The following OPCML variants were observed in gnomAD, a reference collection of about 807,000 sequenced individuals.
OPCML encodes opioid-binding protein/cell adhesion molecule.
Under a neutral mutation model 37.8 loss-of-function variants are expected in OPCML, and 13 were observed. That is an observed-to-expected ratio of 0.34 (90% CI 0.22 to 0.55). The LOEUF (loss-of-function observed/expected upper bound fraction) is 0.55, where lower values mean the gene tolerates loss of function less well. Ranked by LOEUF, OPCML falls within the 20% of genes least tolerant of loss-of-function variation. The probability of loss-of-function intolerance (pLI) is 0.91; values close to 1 mark genes in which losing one functional copy is unlikely to be tolerated. For missense variants in OPCML, 341 were observed against 435.6 expected, an observed-to-expected ratio of 0.78 and a Z score of 1.93; for synonymous variants, 176 against 168.8, an observed-to-expected ratio of 1.04 and a Z score of -0.33.
intron 1 of OPCML, among the ~76,000 whole-genome samples, chr11:133,290,908 C>T (rs1942455654): frequency 6.6e-6 from 1 of 152,212 alleles, no homozygotes; most frequent in Non-Finnish European, 1.5e-5. Flanking sequence ...TTGTTACTCT[C>T]CCAGGGCCAC....
At chr11:133,061,351 A>G (rs1244857314) in intron 1 of OPCML, among the ~76,000 whole-genome samples, 3 of 152,218 alleles carry the variant, frequency 2.0e-5, no homozygotes, top group Non-Finnish European at 4.4e-5. Flanking sequence ...TGCAGTCACA[A>G]AGAACTAATT....
rs905413452 is a variant in OPCML, at chr11:132,749,338, T to A, written c.147-92019A>T. Among the ~76,000 whole-genome samples the A allele has an allele frequency of 3.3e-5, 5 of 152,202 alleles. No individual in the cohort carries two copies. In the South Asian group the frequency reaches 1.0e-3, roughly 32 times the overall value. On this transcript the variant is annotated intron_variant, in intron 2 of 7. Coordinates refer to ENST00000524381, the MANE Select transcript of OPCML (RefSeq NM_001012393.5). Reference sequence around the variant, plus strand: ...CAGGCTGTAAGATATAAAAGGAAAGTCAAAGATAAAACTAGGAATTTTGGC... The same window carrying A: ...CAGGCTGTAAGATATAAAAGGAAAGACAAAGATAAAACTAGGAATTTTGGC...
intron 1 of OPCML, among the ~76,000 whole-genome samples, chr11:133,407,273 T>C (rs1945545930): frequency 6.6e-6 from 1 of 152,320 alleles, no homozygotes; most frequent in East Asian, 1.9e-4. Context: ...ATGCCCAATA[T>C]TAATCCCTGG....
At chr11:132,487,539 T>C (rs2096203676) in intron 4 of OPCML, among the ~76,000 whole-genome samples, 2 of 152,216 alleles carry the variant, frequency 1.3e-5, no homozygotes, top group Admixed American at 1.3e-4. Flanking sequence ...GCCTGCTGTT[T>C]GCTGCACGAA....
chr11:132,718,833 A>C lies in OPCML; in HGVS notation c.147-61514T>G, dbSNP rs1475961597. ...GAGCAGAGTCTGAAGGGAAAGAGAC[A>C]GTGACTCCCTGGGTTGACATCTCCT... On this transcript the variant is annotated intron_variant, in intron 2 of 7. Transcript: ENST00000524381. Among the ~76,000 whole-genome samples the C allele has an allele frequency of 3.3e-5, 5 of 152,188 alleles. No individual in the cohort carries two copies. In the East Asian group the frequency reaches 7.7e-4, roughly 24 times the overall value.
intron 2 of OPCML, among the ~76,000 whole-genome samples, chr11:132,747,056 G>A (rs1213089684): frequency 6.6e-6 from 1 of 152,152 alleles, no homozygotes; most frequent in Non-Finnish European, 1.5e-5. Context: ...TGCATGTAGG[G>A]TAATAATAGT....
intron 1 of OPCML, among the ~76,000 whole-genome samples, chr11:133,117,210 T>G (rs953293145): frequency 2.0e-5 from 3 of 152,180 alleles, no homozygotes; most frequent in African/African-American, 7.2e-5. Context: ...TGTGAGCACT[T>G]CTTTATTTTG....
At chr11:132,729,900 G>A in intron 2 of OPCML, among the ~76,000 whole-genome samples, 1 of 151,930 alleles carries the variant, frequency 6.6e-6, no homozygotes, top group East Asian at 1.9e-4. Context: ...GCACCAAAGG[G>A]ATGCTTTTCC....
chr11:132,515,234 C>T (rs1249124088), intron 4 of OPCML, among the ~76,000 whole-genome samples: 2 of 152,008 alleles, frequency 1.3e-5, no homozygotes, highest in South Asian at 2.1e-4. Context: ...ATTACTCTCA[C>T]CATTAAGGGA....
Position 133,445,210 on chromosome 11 carries a change from G to A in OPCML, c.61+87054C>T, listed in dbSNP as rs144353120. ...TCCATGGTGATCCTGGATGGTGGATGGAGACCACCATAACCCATCTACACA... is the reference window on the plus strand; with the variant it reads ...TCCATGGTGATCCTGGATGGTGGATAGAGACCACCATAACCCATCTACACA... On this transcript the variant is annotated intron_variant, in intron 1 of 7. Transcript: ENST00000524381. Among the ~76,000 whole-genome samples the A allele has an allele frequency of 1.4e-4, 21 of 151,946 alleles. No homozygotes were observed. In the East Asian group the frequency reaches 3.9e-3, roughly 28 times the overall value.
At chr11:133,119,540 C>T (rs954320620) in intron 1 of OPCML, among the ~76,000 whole-genome samples, 6 of 152,054 alleles carry the variant, frequency 3.9e-5, no homozygotes, top group Non-Finnish European at 7.3e-5. Flanking sequence ...GAATTAGTAA[C>T]ATACTTGAAT....
In OPCML at chr11:132,415,474, G is replaced by A. The variant is rs1034443463; in HGVS notation, c.*4719C>T. 6.6e-6 allele frequency: 1 copy of A among 152,298 alleles called. No individual in the cohort carries two copies. Among genetic ancestry groups the A allele is most frequent in the African/African-American group, 2.4e-5 (1 of 41,562 alleles). The allele number at this position is 152,298 out of a possible 1,614,324, so 9.4% of individuals were successfully genotyped here. The stretch of plus-strand genomic sequence containing the variant: ...TTAACTAACACAAGGGCAGCTTGCA[G>A]TACATAGCATTGTTATTACTGATAG... On this transcript the variant is annotated 3_prime_UTR_variant, in exon 8 of 8. Transcript: ENST00000524381.
At position 133,463,203 on chromosome 11, in the gene OPCML, A is replaced by T. The variant is rs557477831; in HGVS notation, c.61+69061T>A. On this transcript the variant is annotated intron_variant, in intron 1 of 7. Transcript: ENST00000524381. The stretch of plus-strand genomic sequence containing the variant: ...AAAAAAAAAAATAGAAAGAAAATAA[A>T]TGAAGAGGTAAAAAGTGGAATGATA... 2.3e-3 allele frequency among the ~76,000 whole-genome samples: 345 copies of T among 152,030 alleles called. 1 individual carries two copies. The highest frequency in any genetic ancestry group is 7.9e-3 in the African/African-American group (327 of 41,510).
In OPCML at chr11:132,418,220, GC is replaced by G. The variant is rs2095945160; in HGVS notation, c.*1972del. 6.6e-6 allele frequency: 1 copy of G among 152,106 alleles called. No homozygotes were observed. The highest frequency in any genetic ancestry group is 2.4e-5 in the African/African-American group (1 of 41,406). 9.4% of individuals were successfully genotyped at this position (152,106 alleles called of 1,614,324 possible). ...ATATTTTTTATTTTTTAGACTGAGG[GC>G]CTGAAAAGGTTTTCCAACTGAGGCA... On this transcript the variant is annotated 3_prime_UTR_variant, in exon 8 of 8. Transcript: ENST00000524381.
intron 1 of OPCML, among the ~76,000 whole-genome samples, chr11:133,281,900 G>A (rs911646675): frequency 2.6e-5 from 4 of 152,230 alleles, no homozygotes; most frequent in Non-Finnish European, 4.4e-5. Context: ...ATCTGTGAAA[G>A]GTTGAACTTA....
intron 1 of OPCML, among the ~76,000 whole-genome samples, chr11:133,151,421 G>A (rs1949984267): frequency 6.7e-6 from 1 of 150,332 alleles, no homozygotes; most frequent in South Asian, 2.1e-4. Flanking sequence ...GCAGGAAGAT[G>A]GGGGAGGAAG....
intron 1 of OPCML, among the ~76,000 whole-genome samples, chr11:133,185,192 C>T (rs1261570817): frequency 6.6e-6 from 1 of 152,116 alleles, no homozygotes; most frequent in Non-Finnish European, 1.5e-5. Flanking sequence ...CCTAAAATAC[C>T]TTAAGAAAGG....
rs1453510569 is a variant in OPCML at position 132,533,337 on chromosome 11, C to T, written c.380-4151G>A. ...TGGATAGATGACAGATGGGTAATAG[C>T]TAGGCAGAAGAAAGATCAATATAGA... On this transcript the variant is annotated intron_variant, in intron 3 of 7. Coordinates refer to ENST00000524381, the MANE Select transcript of OPCML (RefSeq NM_001012393.5). Among the ~76,000 whole-genome samples, 6 of 152,072 alleles carry T rather than the reference C, an allele frequency of 3.9e-5. No individual in the cohort carries two copies. The East Asian group carries it at 1.2e-3, about 29-fold the overall frequency.
At chr11:132,692,642 T>C (rs1249756606) in intron 2 of OPCML, among the ~76,000 whole-genome samples, 2 of 152,192 alleles carry the variant, frequency 1.3e-5, no homozygotes, top group Non-Finnish European at 2.9e-5. Context: ...ATGTTGAGCT[T>C]CCGGAGGCAG....
Sources: allele counts gnomAD v4.1 joint callset (sites outside exome capture counted in the v4.1 genomes callset), GRCh38; gene constraint gnomAD v4.1.1; transcripts MANE v1.5; gene names NCBI Gene and HGNC (gene_info 2026-07-23, HGNC 2026-07-21).